Variants in ADRA2B observed in about 807,000 individuals in gnomAD.
ADRA2B encodes the protein adrenoceptor alpha 2B, also known as alpha-2B adrenergic receptor.
Under a neutral mutation model 14.4 loss-of-function variants are expected in ADRA2B, and 14 were observed. The observed-to-expected ratio is 0.97, with a 90% confidence interval of 0.64 to 1.52. ADRA2B has a LOEUF of 1.52. Among genes scored for constraint, ADRA2B ranks in the 40% most tolerant of loss-of-function variants. The pLI is 0.00. For synonymous variants in ADRA2B, 250 were observed against 263.7 expected (o/e 0.95, Z 0.50); for missense variants, 606 against 603.2 (o/e 1.00, Z -0.05).
chr2:96,115,583 G>C lies in ADRA2B; in HGVS notation c.567C>G (p.Ile189Met). ...GSFFAPCLIM[I>M]LVYLRIYLIA... ...TCAGGTAGATGCGCAGGTAGACAAG[G>C]ATCATGATGAGGCAAGGAGCAAAGA... Residue 189 changes from isoleucine (I) to methionine (M), a missense_variant, in exon 1 of 1, where the codon ATC becomes ATG. Coordinates refer to ENST00000620793, the MANE Select transcript of ADRA2B (RefSeq NM_000682.7). The C allele has an allele frequency of 6.2e-7, 1 of 1,613,958 alleles. No homozygotes were observed. The highest frequency in any genetic ancestry group is 8.5e-7 in the Non-Finnish European group (1 of 1,179,904).
chr2:96,113,366 A>G lies in ADRA2B; in HGVS notation c.*1431T>C. 1 of 385,724 alleles carries G rather than the reference A, an allele frequency of 2.6e-6. No individual in the cohort carries two copies. The highest frequency in any genetic ancestry group is 3.7e-5 in the East Asian group (1 of 27,176). The allele number at this position is 385,724 out of a possible 1,614,324, so 23.9% of individuals were successfully genotyped here. On this transcript the variant is annotated 3_prime_UTR_variant, in exon 1 of 1. Transcript: ENST00000620793. ...GAGAACCAGGAAGCAGGGGTCCTCA[A>G]TGCACAGCCCCATCAGCATTGCGGG... is the stretch of plus-strand genomic sequence containing the variant.
Position 96,115,307 on chromosome 2 carries a change from G to T in ADRA2B, c.843C>A (p.Gly281=). 6.3e-7 allele frequency: 1 copy of T among 1,592,086 alleles called. No homozygotes were observed. Reference sequence around the variant, plus strand: ...CACAAACACCCTCCTTCTGGCCCTGGCCTGAGTTGGGAAGGGCAGCCCAAC... The same window carrying T: ...CACAAACACCCTCCTTCTGGCCCTGTCCTGAGTTGGGAAGGGCAGCCCAAC... ...PPSWAALPNS[G]QGQKEGVCGA... The change falls in exon 1 of 1, where the codon GGC becomes GGA. Residue 281 remains glycine (G), a synonymous_variant. Coordinates refer to ENST00000620793, the MANE Select transcript of ADRA2B (RefSeq NM_000682.7).
chr2:96,115,802 G>C lies in ADRA2B; in HGVS notation c.348C>G (p.Arg116=). 1 of 1,613,278 alleles carries C rather than the reference G, an allele frequency of 6.2e-7. No individual in the cohort carries two copies. The highest frequency in any genetic ancestry group is 8.5e-7 in the Non-Finnish European group (1 of 1,179,638). The stretch of plus-strand genomic sequence containing the variant: ...TGCGCTTGGAGTTGTACTCCAGCGC[G>C]CGGCTCACGGCCCAGTAGCGGTCCA... ...ISLDRYWAVS[R]ALEYNSKRTP... is the part of the protein sequence containing the mutation. The change falls in exon 1 of 1, where the codon CGC becomes CGG. Residue 116 remains arginine, a synonymous_variant. Transcript: ENST00000620793.
In ADRA2B at chr2:96,112,917, T is replaced by A. The variant is rs1192888253; in HGVS notation, c.*1880A>T. On this transcript the variant is annotated 3_prime_UTR_variant, in exon 1 of 1. Transcript: ENST00000620793. ...TTTATTGATAAAATAGCTCAGAGTT[T>A]AAAAAAAAAAAAAACACCACCTGCA... The A allele has an allele frequency of 3.2e-5, 11 of 346,954 alleles. No individual in the cohort carries two copies. Among genetic ancestry groups the A allele is most frequent in the South Asian group, 1.6e-4 (1 of 6,336 alleles). 21.5% of individuals were successfully genotyped at this position (346,954 alleles called of 1,614,324 possible). A position where few individuals can be genotyped will look rare whatever the true frequency, so the allele number is the denominator to read the frequency against.
At position 96,115,108 on chromosome 2, in the gene ADRA2B, C is replaced by A. The variant is rs1284908928; in HGVS notation, c.1042G>T (p.Gly348Cys). 1.2e-6 allele frequency: 2 copies of A among 1,611,582 alleles called. No individual in the cohort carries two copies. Among genetic ancestry groups the A allele is most frequent in the Non-Finnish European group, 8.5e-7 (1 of 1,178,964 alleles). The change falls in exon 1 of 1, where the codon GGC becomes TGC. Residue 348 changes from glycine (G) to cysteine (C), a missense_variant. Gly to Cys is a radical substitution (Grantham distance 159). Transcript: ENST00000620793. ...TLRGQVLLGR[G>C]VGAIGGQWWR... ...CACTGCCCACCTATAGCACCCACGC[C>A]CCTGCCCAGGAGCACCTGGCCACGT...
chr2:96,115,401 G>C lies in ADRA2B; in HGVS notation c.749C>G (p.Ser250Trp), dbSNP rs760565402. The change falls in exon 1 of 1, where the codon TCG becomes TGG. Residue 250 changes from serine (S) to tryptophan (W), a missense_variant. Ser to Trp is a radical substitution (Grantham distance 177). Transcript: ENST00000620793. ...CTCCTCCTTCTCCCCAGTGGACTTCGAGTGTCCGTTGACCTCTCTGGCAGA... is the reference window on the plus strand; with the variant it reads ...CTCCTCCTTCTCCCCAGTGGACTTCCAGTGTCCGTTGACCTCTCTGGCAGA... The part of the protein sequence containing the change: ...VASAREVNGH[S>W]KSTGEKEEGE... 1 of 1,609,014 alleles carries C rather than the reference G, an allele frequency of 6.2e-7. No homozygotes were observed. The highest frequency in any genetic ancestry group is 8.5e-7 in the Non-Finnish European group (1 of 1,176,622).
Position 96,115,469 on chromosome 2 carries a change from C to CAAACTTGGT in ADRA2B, c.680_681insACCAAGTTT (p.Gly227_Ala228insProSerLeu). ...CTGGCAGTTTGGCTGAGGCCAAAGC[C>CAAACTTGGT]CCACCATGGTCGGGTCGGGGCTGCT... On this transcript the variant is annotated inframe_insertion, in exon 1 of 1. Transcript: ENST00000620793. 3 of 1,613,478 alleles carry CAAACTTGGT rather than the reference C, an allele frequency of 1.9e-6. No homozygotes were observed. In the East Asian group the frequency reaches 6.7e-5, roughly 36 times the overall value.
Position 96,115,800 on chromosome 2 carries a change from G to A in ADRA2B, c.350C>T (p.Ala117Val), listed in dbSNP as rs1456731042. The A allele has an allele frequency of 6.2e-7, 1 of 1,613,246 alleles. No homozygotes were observed. ...SLDRYWAVSRALEYNSKRTPR... is the reference protein window; with the variant it reads ...SLDRYWAVSRVLEYNSKRTPR... ...GGTGCGCTTGGAGTTGTACTCCAGC[G>A]CGCGGCTCACGGCCCAGTAGCGGTC... The change falls in exon 1 of 1, where the codon GCG becomes GTG. Residue 117 changes from alanine to valine, a missense_variant. Physicochemically the swap from Ala to Val is moderately conservative, Grantham distance 64. Coordinates refer to ENST00000620793, the MANE Select transcript of ADRA2B (RefSeq NM_000682.7).
chr2:96,113,399 G>A lies in ADRA2B; in HGVS notation c.*1398C>T, dbSNP rs142587561. On this transcript the variant is annotated 3_prime_UTR_variant, in exon 1 of 1. Coordinates refer to ENST00000620793, the MANE Select transcript of ADRA2B (RefSeq NM_000682.7). ...CCCCATCAGCATTGCGGGGAGCAGC[G>A]TGGCTGGGTCCGAGGCAGTCCACAA... 510 of 365,598 alleles carry A rather than the reference G, an allele frequency of 1.4e-3. 2 individuals are homozygous for A. The highest frequency in any genetic ancestry group is 1.0e-3 in the South Asian group (7 of 6,704). The allele number at this position is 365,598 out of a possible 1,614,324, so 22.6% of individuals were successfully genotyped here. A position where few individuals can be genotyped will look rare whatever the true frequency, so the allele number is the denominator to read the frequency against.
rs1290319184 is a variant in ADRA2B at position 96,113,768 on chromosome 2, A to T, written c.*1029T>A. 5 of 424,364 alleles carry T rather than the reference A, an allele frequency of 1.2e-5. No homozygotes were observed. Among genetic ancestry groups the T allele is most frequent in the Non-Finnish European group, 1.3e-5 (4 of 317,144 alleles). The allele number at this position is 424,364 out of a possible 1,614,324, so 26.3% of individuals were successfully genotyped here. A position where few individuals can be genotyped will look rare whatever the true frequency, so the allele number is the denominator to read the frequency against. On this transcript the variant is annotated 3_prime_UTR_variant, in exon 1 of 1. Transcript: ENST00000620793. ...CAGACCTTTGCAGCCAGAAGAACACATTCTCAAAGAGATCCTTTAACTTGA... is the reference window on the plus strand; with the variant it reads ...CAGACCTTTGCAGCCAGAAGAACACTTTCTCAAAGAGATCCTTTAACTTGA...
rs1298273968 is a variant in ADRA2B, at chr2:96,113,216, C to T, written c.*1581G>A. On this transcript the variant is annotated 3_prime_UTR_variant, in exon 1 of 1. Coordinates refer to ENST00000620793, the MANE Select transcript of ADRA2B (RefSeq NM_000682.7). ...AGCAGGTCCATCTGGCCCATTCCCCCGACACCTGCCAAGCTAAGATGCCTA... is the reference window on the plus strand; with the variant it reads ...AGCAGGTCCATCTGGCCCATTCCCCTGACACCTGCCAAGCTAAGATGCCTA... The T allele has an allele frequency of 2.0e-5, 8 of 398,542 alleles. No individual in the cohort carries two copies. The highest frequency in any genetic ancestry group is 3.6e-5 in the East Asian group (1 of 28,086). The allele number at this position is 398,542 out of a possible 1,614,324, so 24.7% of individuals were successfully genotyped here.
In ADRA2B at chr2:96,113,446, T is replaced by C. The variant is rs1681794189; in HGVS notation, c.*1351A>G. Reference sequence around the variant, plus strand: ...ACAAGCACCCACCTGGGGGGATCAGTTGTGGTTCACAAGGACTCATTTGGG... The same window carrying C: ...ACAAGCACCCACCTGGGGGGATCAGCTGTGGTTCACAAGGACTCATTTGGG... On this transcript the variant is annotated 3_prime_UTR_variant, in exon 1 of 1. Coordinates refer to ENST00000620793, the MANE Select transcript of ADRA2B (RefSeq NM_000682.7). 1 of 300,756 alleles carries C rather than the reference T, an allele frequency of 3.3e-6. No individual in the cohort carries two copies. Among genetic ancestry groups the C allele is most frequent in the Non-Finnish European group, 6.1e-6 (1 of 164,898 alleles). The allele number at this position is 300,756 out of a possible 1,614,324, so 18.6% of individuals were successfully genotyped here. A position where few individuals can be genotyped will look rare whatever the true frequency, so the allele number is the denominator to read the frequency against.
At position 96,114,651 on chromosome 2, in the gene ADRA2B, C is replaced by T. The variant is rs950535357; in HGVS notation, c.*146G>A. On this transcript the variant is annotated 3_prime_UTR_variant, in exon 1 of 1. Transcript: ENST00000620793. ...CCCTTGCTAGCAGCCCCCCTGCCCACCCCTCCCAAGGGGTTCCTAAGATGA... is the reference window on the plus strand; with the variant it reads ...CCCTTGCTAGCAGCCCCCCTGCCCATCCCTCCCAAGGGGTTCCTAAGATGA... 2.8e-6 allele frequency: 4 copies of T among 1,428,116 alleles called. No homozygotes were observed. The South Asian group carries it at 4.6e-5, about 16-fold the overall frequency. 88.5% of individuals were successfully genotyped at this position (1,428,116 alleles called of 1,614,324 possible). A position where few individuals can be genotyped will look rare whatever the true frequency, so the allele number is the denominator to read the frequency against.
rs1681798325 is a variant in ADRA2B at position 96,113,666 on chromosome 2, G to A, written c.*1131C>T. 6.3e-6 allele frequency: 1 copy of A among 157,936 alleles called. No homozygotes were observed. Among genetic ancestry groups the A allele is most frequent in the Admixed American group, 6.5e-5 (1 of 15,316 alleles). 9.8% of individuals were successfully genotyped at this position (157,936 alleles called of 1,614,324 possible). A position where few individuals can be genotyped will look rare whatever the true frequency, so the allele number is the denominator to read the frequency against. ...GATGACAAAAGACTTATCCCCCACTGGGGAGACCCAAGCCACTAAAAACCC... is the reference window on the plus strand; with the variant it reads ...GATGACAAAAGACTTATCCCCCACTAGGGAGACCCAAGCCACTAAAAACCC... On this transcript the variant is annotated 3_prime_UTR_variant, in exon 1 of 1. Coordinates refer to ENST00000620793, the MANE Select transcript of ADRA2B (RefSeq NM_000682.7).
chr2:96,114,978 T>C lies in ADRA2B; in HGVS notation c.1172A>G (p.Tyr391Cys), dbSNP rs978061961. 6 of 1,613,370 alleles carry C rather than the reference T, an allele frequency of 3.7e-6. No homozygotes were observed. The African/African-American group carries it at 4.0e-5, about 11-fold the overall frequency. The change falls in exon 1 of 1, where the codon TAC becomes TGC. Residue 391 changes from tyrosine to cysteine, a missense_variant. Transcript: ENST00000620793. ...VLCWFPFFFS[Y>C]SLGAICPKHC... is the part of the protein sequence containing the mutation. ...CTTCGGGCAGATGGCTCCCAGGCTG[T>C]AGCTGAAGAAGAAGGGGAACCAGCA...
chr2:96,116,168 C>G lies in ADRA2B; in HGVS notation c.-19G>C. On this transcript the variant is annotated 5_prime_UTR_variant, in exon 1 of 1. Coordinates refer to ENST00000620793, the MANE Select transcript of ADRA2B (RefSeq NM_000682.7). ...GGTCCATGACGGGGCGGGAGGTGGG[C>G]AGAGGGAGCGCTGCCCGCCCAGTGC... 1 of 1,595,876 alleles carries G rather than the reference C, an allele frequency of 6.3e-7. No homozygotes were observed. Among genetic ancestry groups the G allele is most frequent in the African/African-American group, 1.3e-5 (1 of 74,742 alleles).
Position 96,115,768 on chromosome 2 carries a change from G to A in ADRA2B, c.382C>T (p.Arg128Cys), listed in dbSNP as rs771208116. 2.4e-5 allele frequency: 39 copies of A among 1,612,892 alleles called. No individual in the cohort carries two copies. In the East Asian group the frequency reaches 2.7e-4, roughly 11 times the overall value. The stretch of plus-strand genomic sequence containing the variant: ...ACAGTGAGGATGATGCACTTGATGC[G>A]GCGCGGGGTGCGCTTGGAGTTGTAC... ...LEYNSKRTPR[R>C]IKCIILTVWL... The change falls in exon 1 of 1, where the codon CGC becomes TGC. Residue 128 changes from arginine (R) to cysteine (C), a missense_variant. By Grantham distance (180) the Arg-to-Cys change is radical. Transcript: ENST00000620793.
chr2:96,113,759 G>A lies in ADRA2B; in HGVS notation c.*1038C>T. 2.7e-6 allele frequency: 1 copy of A among 373,624 alleles called. No individual in the cohort carries two copies. Among genetic ancestry groups the A allele is most frequent in the Non-Finnish European group, 3.7e-6 (1 of 270,792 alleles). 23.1% of individuals were successfully genotyped at this position (373,624 alleles called of 1,614,324 possible). On this transcript the variant is annotated 3_prime_UTR_variant, in exon 1 of 1. Coordinates refer to ENST00000620793, the MANE Select transcript of ADRA2B (RefSeq NM_000682.7). The stretch of plus-strand genomic sequence containing the variant: ...GTAATAACTCAGACCTTTGCAGCCA[G>A]AAGAACACATTCTCAAAGAGATCCT...
rs1189372558 is a variant in ADRA2B at position 96,114,689 on chromosome 2, C to G, written c.*108G>C. The G allele has an allele frequency of 6.9e-7, 1 of 1,455,550 alleles. No individual in the cohort carries two copies. The highest frequency in any genetic ancestry group is 1.4e-5 in the African/African-American group (1 of 70,350). 90.2% of individuals were successfully genotyped at this position (1,455,550 alleles called of 1,614,324 possible). On this transcript the variant is annotated 3_prime_UTR_variant, in exon 1 of 1. Coordinates refer to ENST00000620793, the MANE Select transcript of ADRA2B (RefSeq NM_000682.7). ...GTTCCTAAGATGAGGCCTACAGGAT[C>G]TGGGCAGGGAGCAGAAAGCCCAGGG...
Sources: allele counts gnomAD v4.1 joint callset, GRCh38; gene constraint gnomAD v4.1.1; transcripts MANE v1.5; gene names NCBI Gene and HGNC (gene_info 2026-07-23, HGNC 2026-07-21).